The following CASP2 variants were observed in gnomAD, a reference collection of about 807,000 sequenced individuals.
CASP2 encodes caspase 2, also known as caspase-2.
CASP2 carries 38 observed loss-of-function variants against 54.4 expected under a neutral mutation model. The observed-to-expected ratio is 0.70, with a 90% confidence interval of 0.54 to 0.92. CASP2 has a LOEUF of 0.92. CASP2 is among the 40% of genes least tolerant of loss of function. CASP2 has a pLI of 0.00. For synonymous variants in CASP2, 215 were observed against 216.3 expected (o/e 0.99, Z 0.05); for missense variants, 512 against 579.6 (o/e 0.88, Z 1.20).
In CASP2 at chr7:143,303,938, T is replaced by A. The variant is rs1453995950; in HGVS notation, c.1117+5T>A. The A allele has an allele frequency of 6.3e-7, 1 of 1,581,262 alleles. No homozygotes were observed. The highest frequency in any genetic ancestry group is 1.8e-5 in the Admixed American group (1 of 54,340). The stretch of plus-strand genomic sequence containing the variant: ...GCGGCTATGCCTGCCTCAAAGGTAC[T>A]TTGAGTTCCAAAAGAGTTGAGTCAT... On this transcript the variant is annotated splice_donor_5th_base_variant and intron_variant, in intron 9 of 10. Coordinates refer to ENST00000310447, the MANE Select transcript of CASP2 (RefSeq NM_032982.4).
Position 143,303,820 on chromosome 7 carries a change from A to G in CASP2, c.1004A>G (p.Lys335Arg), listed in dbSNP as rs1298686068. Residue 335 changes from lysine to arginine, a missense_variant, in exon 9 of 11, where the codon AAG becomes AGG. Around this residue, in one of 3 missense-constraint regions of CASP2, gnomAD observed 417 missense variants for 495.4 expected, o/e 0.84. Transcript: ENST00000310447. ...CGTGGGGTTGACCAACAAGATGGAA[A>G]GAACCACGCAGGATCCCCTGGGTGC... ...TDRGVDQQDG[K>R]NHAGSPGCEE... 1.2e-6 allele frequency: 2 copies of G among 1,613,910 alleles called. No individual in the cohort carries two copies. The highest frequency in any genetic ancestry group is 1.7e-6 in the Non-Finnish European group (2 of 1,179,940).
intron 8 of CASP2, chr7:143,302,463 A>T (rs1341010746): frequency 6.6e-6 from 1 of 152,160 alleles, no homozygotes; most frequent in African/African-American, 2.4e-5. Flanking sequence ...AATATAATTA[A>T]TGTCTAGAAA....
At chr7:143,297,173 T>C (rs1420962927) in intron 6 of CASP2, among the ~76,000 whole-genome samples, 1 of 152,176 alleles carries the variant, frequency 6.6e-6, no homozygotes, top group African/African-American at 2.4e-5. Context: ...CCCCAACCCC[T>C]AGCCAAAAAT....
Position 143,294,627 on chromosome 7 carries a change from C to G in CASP2, c.601C>G (p.Leu201Val). Residue 201 changes from leucine to valine, a missense_variant, in exon 6 of 11, where the codon CTA becomes GTA. By Grantham distance (32) the Leu-to-Val change is conservative (BLOSUM62 1). Coordinates refer to ENST00000310447, the MANE Select transcript of CASP2 (RefSeq NM_032982.4). ...TAGGTTGCAGTCTCGGCCTCGTGGC[C>G]TAGCACTGGTGTTGAGCAATGTGCA... ...AYRLQSRPRG[L>V]ALVLSNVHFT... The G allele has an allele frequency of 6.2e-7, 1 of 1,614,180 alleles. No individual in the cohort carries two copies. The highest frequency in any genetic ancestry group is 8.5e-7 in the Non-Finnish European group (1 of 1,180,018).
rs970599070 is a variant in CASP2 at position 143,291,809 on chromosome 7, G to C, written c.225+119G>C. 4.2e-5 allele frequency: 28 copies of C among 666,032 alleles called. No individual in the cohort carries two copies. The South Asian group carries it at 4.2e-4, about 10-fold the overall frequency. 41.3% of individuals were successfully genotyped at this position (666,032 alleles called of 1,614,324 possible). On this transcript the variant is annotated intron_variant, in intron 2 of 10. Transcript: ENST00000310447. ...TTTTTTTTTTTTTTTTTGAGACAGA[G>C]TCTCTGTCTCCCAGGCTGGAGTACA...
At chr7:143,301,051 G>C in intron 8 of CASP2, 1 of 359,610 alleles carries the variant, frequency 2.8e-6, no homozygotes, top group Non-Finnish European at 3.9e-6. Context: ...CTCCATCTCA[G>C]TTTCCTCAAT....
intron 6 of CASP2, among the ~76,000 whole-genome samples, chr7:143,296,465 T>TA (rs1465216108): frequency 1.3e-5 from 2 of 152,202 alleles, no homozygotes; most frequent in African/African-American, 2.4e-5. Flanking sequence ...CCTAGGTAGA[T>TA]ATGATCAGAA....
intron 1 of CASP2, chr7:143,290,536 T>C (rs1801525824): frequency 8.0e-6 from 1 of 124,520 alleles, no homozygotes; most frequent in South Asian, 2.3e-4. Context: ...AAACTAGGCA[T>C]GTAGATGACA....
Position 143,294,743 on chromosome 7 carries a change from C to G in CASP2, c.717C>G (p.Asp239Glu). Reference protein sequence around the residue: ...LVTLFKLLGYDVHVLCDQTAQ... With the variant: ...LVTLFKLLGYEVHVLCDQTAQ... The stretch of plus-strand genomic sequence containing the variant: ...CCCTCTTCAAGCTTTTGGGCTATGA[C>G]GTCCATGTTCTATGTGACCAGACTG... Residue 239 changes from aspartate to glutamate, a missense_variant, in exon 6 of 11, where the codon GAC becomes GAG. By Grantham distance (45) the Asp-to-Glu change is conservative (BLOSUM62 2). Transcript: ENST00000310447. The G allele has an allele frequency of 6.2e-7, 1 of 1,614,178 alleles. No individual in the cohort carries two copies. The highest frequency in any genetic ancestry group is 8.5e-7 in the Non-Finnish European group (1 of 1,180,014).
chr7:143,296,127 TA>T (rs1264306360), intron 6 of CASP2, among the ~76,000 whole-genome samples: 1 of 152,272 alleles, frequency 6.6e-6, no homozygotes, highest in East Asian at 1.9e-4. Flanking sequence ...AAGTCAACTA[TA>T]TATACTGCTG....
In CASP2 at chr7:143,303,809, A is replaced by G. The variant is rs776824379; in HGVS notation, c.993A>G (p.Gln331=). 6.2e-7 allele frequency: 1 copy of G among 1,614,044 alleles called. No individual in the cohort carries two copies. The highest frequency in any genetic ancestry group is 1.1e-5 in the South Asian group (1 of 91,074). ...RGDETDRGVD[Q]QDGKNHAGSP... ...ATGAGACTGATCGTGGGGTTGACCA[A>G]CAAGATGGAAAGAACCACGCAGGAT... is the stretch of plus-strand genomic sequence containing the variant. Residue 331 remains glutamine, a synonymous_variant, in exon 9 of 11, where the codon CAA becomes CAG. Coordinates refer to ENST00000310447, the MANE Select transcript of CASP2 (RefSeq NM_032982.4).
chr7:143,299,686 A>G (rs964302225), intron 6 of CASP2, among the ~76,000 whole-genome samples: 1 of 152,168 alleles, frequency 6.6e-6, no homozygotes, highest in African/African-American at 2.4e-5. Context: ...CTGTTTGCCT[A>G]TCTCAGTGAG....
At position 143,294,290 on chromosome 7, in the gene CASP2, G is replaced by A. The variant is rs1801677391; in HGVS notation, c.536G>A (p.Cys179Tyr). 1 of 1,611,586 alleles carries A rather than the reference G, an allele frequency of 6.2e-7. No individual in the cohort carries two copies. The highest frequency in any genetic ancestry group is 1.7e-5 in the Admixed American group (1 of 60,006). ...CCTGTCTGCCTTCAGGTGAAGCCTT[G>A]CACTCCTGAATTTTATCAAACACAC... ...DGPVCLQVKP[C>Y]TPEFYQTHFQ... Residue 179 changes from cysteine (C) to tyrosine (Y), a missense_variant, in exon 5 of 11, where the codon TGC (cysteine) becomes TAC (tyrosine). Physicochemically the swap from Cys to Tyr is radical, Grantham distance 194 (BLOSUM62 -2). Transcript: ENST00000310447.
rs1802034787 is a variant in CASP2, at chr7:143,305,304, A to G, written c.*233A>G. ...GCCAGCCTTGGTTGGACCTATTGCC[A>G]GGAATGTTTCAGCTGCAGTTGAAGA... is the stretch of plus-strand genomic sequence containing the variant. On this transcript the variant is annotated 3_prime_UTR_variant, in exon 11 of 11. Transcript: ENST00000310447. 1.7e-6 allele frequency: 1 copy of G among 601,524 alleles called. No homozygotes were observed. The highest frequency in any genetic ancestry group is 2.7e-5 in the Admixed American group (1 of 36,892). 37.3% of individuals were successfully genotyped at this position (601,524 alleles called of 1,614,324 possible).
Position 143,294,710 on chromosome 7 carries a change from T to A in CASP2, c.684T>A (p.Thr228=). 6.2e-7 allele frequency: 1 copy of A among 1,614,196 alleles called. No homozygotes were observed. Among genetic ancestry groups the A allele is most frequent in the Non-Finnish European group, 8.5e-7 (1 of 1,180,030 alleles). ...CTGGAGGGGATGTGGACCACAGTACTCTAGTCACCCTCTTCAAGCTTTTGG... is the reference window on the plus strand; with the variant it reads ...CTGGAGGGGATGTGGACCACAGTACACTAGTCACCCTCTTCAAGCTTTTGG... ...FRSGGDVDHS[T]LVTLFKLLGY... is the part of the protein sequence containing the mutation. The change falls in exon 6 of 11, where the codon ACT becomes ACA. Residue 228 remains threonine (T), a synonymous_variant. Coordinates refer to ENST00000310447, the MANE Select transcript of CASP2 (RefSeq NM_032982.4).
chr7:143,302,869 G>C (rs902442783), intron 8 of CASP2: 1 of 152,024 alleles, frequency 6.6e-6, no homozygotes, highest in Non-Finnish European at 1.5e-5. Context: ...ATCTGCTCAG[G>C]GTATGTTGAG....
rs964184471 is a variant in CASP2 at position 143,305,981 on chromosome 7, T to C, written c.*910T>C. On this transcript the variant is annotated 3_prime_UTR_variant, in exon 11 of 11. Transcript: ENST00000310447. ...AGATTTCTAGAAAAGCTTCCTAGCT[T>C]ATCTCCCTGCTTCATATCTCTCCCT... 6.6e-6 allele frequency: 1 copy of C among 152,192 alleles called. No individual in the cohort carries two copies. The highest frequency in any genetic ancestry group is 1.5e-5 in the Non-Finnish European group (1 of 68,052). 9.4% of individuals were successfully genotyped at this position (152,192 alleles called of 1,614,324 possible). A position where few individuals can be genotyped will look rare whatever the true frequency, so the allele number is the denominator to read the frequency against.
At chr7:143,292,773 G>C in intron 4 of CASP2, 75 bp downstream of exon 4, 2 of 1,222,550 alleles carry the variant, frequency 1.6e-6, no homozygotes, top group African/African-American at 3.0e-5. Flanking sequence ...CACTTTGCGG[G>C]GCCAAGGCGG....
At chr7:143,304,299 C>T (rs532238344) in intron 9 of CASP2, among the ~76,000 whole-genome samples, 1 of 152,246 alleles carries the variant, frequency 6.6e-6, no homozygotes, top group African/African-American at 2.4e-5. Context: ...CACCATTTTT[C>T]TATTGGCATG....
Sources: gnomAD v4.1 joint callset for allele counts (sites outside exome capture counted in the v4.1 genomes callset) on GRCh38, gnomAD v4.1.1 for gene constraint, gnomAD v4.1.1 regional missense constraint, MANE v1.5 for transcripts, NCBI Gene and HGNC (gene_info 2026-07-23, HGNC 2026-07-21) for gene names.